The following MYO3B variants were observed in gnomAD, a reference collection of about 807,000 sequenced individuals.
The protein encoded by MYO3B is myosin-IIIb.
MYO3B carries 156 observed loss-of-function variants against 174.6 expected under a neutral mutation model. That is an observed-to-expected ratio of 0.89 (90% CI 0.78 to 1.02). MYO3B has a LOEUF of 1.02. Ranked by LOEUF, MYO3B falls within the 50% of genes least tolerant of loss-of-function variation. The pLI, the probability that MYO3B is intolerant of heterozygous loss-of-function variation, is 0.00. For synonymous variants in MYO3B, 563 were observed against 569.1 expected, an observed-to-expected ratio of 0.99 and a Z score of 0.15; for missense variants, 1,632 against 1,639.4, an observed-to-expected ratio of 1.00 and a Z score of 0.08.
intron 8 of MYO3B, among the ~76,000 whole-genome samples, chr2:170,368,491 G>T (rs1202934490): frequency 6.6e-6 from 1 of 152,214 alleles, no homozygotes; most frequent in East Asian, 1.9e-4. Context: ...CTGAATCATT[G>T]CTTTGAAAAG....
intron 6 of MYO3B, among the ~76,000 whole-genome samples, chr2:170,224,676 C>T (rs539388139): frequency 1.3e-5 from 2 of 152,140 alleles, no homozygotes; most frequent in South Asian, 4.1e-4. Flanking sequence ...TGTTTCTGTA[C>T]TGGAAAACAG....
intron 32 of MYO3B, among the ~76,000 whole-genome samples, chr2:170,563,824 A>C (rs1211068817): frequency 6.6e-6 from 1 of 152,180 alleles, no homozygotes; most frequent in Non-Finnish European, 1.5e-5. Flanking sequence ...TGGCTATAAA[A>C]AGGATTTTCC....
chr2:170,447,227 A>G (rs755665926), intron 23 of MYO3B, among the ~76,000 whole-genome samples: 1 of 152,176 alleles, frequency 6.6e-6, no homozygotes, highest in Non-Finnish European at 1.5e-5. Flanking sequence ...ATCAGCTCCA[A>G]CACATGGAGC....
At chr2:170,435,656 C>T (rs1031202202) in intron 22 of MYO3B, among the ~76,000 whole-genome samples, 1 of 152,144 alleles carries the variant, frequency 6.6e-6, no homozygotes, top group African/African-American at 2.4e-5. Context: ...ATTTACTGCT[C>T]CTTATCTTTG....
chr2:170,448,309 C>A (rs1683377222), intron 23 of MYO3B, among the ~76,000 whole-genome samples: 1 of 152,178 alleles, frequency 6.6e-6, no homozygotes, highest in Non-Finnish European at 1.5e-5. Flanking sequence ...TATGTTAGAT[C>A]TCTTTCACTG....
At position 170,519,337 on chromosome 2, in the gene MYO3B, G is replaced by A. The variant is rs1688516713; in HGVS notation, c.3473-101G>A. ...CCTATAGAAAGTCACGGAGTGGTAT[G>A]AGGGCAGGGAGAGAAGGGCTGCAGA... On this transcript the variant is annotated intron_variant, in intron 29 of 34. Transcript: ENST00000408978. 3.8e-6 allele frequency: 3 copies of A among 786,336 alleles called. No individual in the cohort carries two copies. The African/African-American group carries it at 5.2e-5, about 14-fold the overall frequency. 48.7% of individuals were successfully genotyped at this position (786,336 alleles called of 1,614,324 possible).
rs1688291193 is a variant in MYO3B at position 170,516,119 on chromosome 2, C to CA, written c.3472+1098dup. On this transcript the variant is annotated intron_variant, in intron 29 of 34. Transcript: ENST00000408978. ...CAAAGATGTGTTATGCTTGGCCACA[C>CA]ACAGTGCTTTTTAAAAAACTTTGAA... is the stretch of plus-strand genomic sequence containing the variant. Among the ~76,000 whole-genome samples, 4 of 152,278 alleles carry CA rather than the reference C, an allele frequency of 2.6e-5. No individual in the cohort carries two copies. In the South Asian group the frequency reaches 8.3e-4, roughly 32 times the overall value.
chr2:170,617,270 G>C (rs904747974), intron 32 of MYO3B, among the ~76,000 whole-genome samples: 13 of 152,096 alleles, frequency 8.5e-5, no homozygotes, highest in Non-Finnish European at 1.8e-4. Flanking sequence ...ATGGATAAAG[G>C]GGGAAGATTC....
At chr2:170,237,684 A>G (rs2093086972) in intron 7 of MYO3B, among the ~76,000 whole-genome samples, 1 of 152,222 alleles carries the variant, frequency 6.6e-6, no homozygotes, top group African/African-American at 2.4e-5. Context: ...CCAGATCTCC[A>G]GATGTGGAAT....
chr2:170,646,263 C>G (rs1049920788), intron 32 of MYO3B, among the ~76,000 whole-genome samples: 1 of 145,970 alleles, frequency 6.9e-6, no homozygotes, highest in Non-Finnish European at 1.5e-5. Context: ...AAGAGCGAAA[C>G]TCTGTCTCAA....
chr2:170,645,718 T>C (rs938484401), intron 32 of MYO3B, among the ~76,000 whole-genome samples: 1 of 152,210 alleles, frequency 6.6e-6, no homozygotes, highest in African/African-American at 2.4e-5. Flanking sequence ...ATGTGCCTTA[T>C]TGATTTTTTA....
chr2:170,450,869 G>T (rs1331884039), intron 23 of MYO3B, among the ~76,000 whole-genome samples: 1 of 152,114 alleles, frequency 6.6e-6, no homozygotes, highest in Non-Finnish European at 1.5e-5. Flanking sequence ...CTCCACATCA[G>T]TGTGCTTTTA....
intron 32 of MYO3B, among the ~76,000 whole-genome samples, chr2:170,559,971 T>C (rs1691598002): frequency 6.6e-6 from 1 of 152,174 alleles, no homozygotes; most frequent in East Asian, 1.9e-4. Flanking sequence ...GGATTCTGGG[T>C]CAGGACTTAT....
intron 33 of MYO3B, 79 bp downstream of exon 33, chr2:170,651,813 C>T (rs547959793): frequency 1.0e-5 from 12 of 1,180,102 alleles, no homozygotes; most frequent in South Asian, 9.9e-5. Context: ...CCTGTTCCAG[C>T]CCCTGCAGCC....
intron 6 of MYO3B, among the ~76,000 whole-genome samples, chr2:170,230,797 G>A (rs2093007364): frequency 6.6e-6 from 1 of 152,146 alleles, no homozygotes; most frequent in African/African-American, 2.4e-5. Context: ...CATAGTAAAA[G>A]CTGAATAACC....
intron 30 of MYO3B, among the ~76,000 whole-genome samples, chr2:170,532,814 C>G (rs1689443419): frequency 2.0e-5 from 2 of 99,098 alleles, no homozygotes. Context: ...GAAACTCTGT[C>G]TCAAAAAAAA....
At chr2:170,420,969 T>C (rs113232309) in intron 22 of MYO3B, among the ~76,000 whole-genome samples, 1,533 of 152,196 alleles carry the variant, frequency 0.01, 15 homozygotes, top group Non-Finnish European at 0.016. Context: ...CTAGTCTGGG[T>C]TGGGTAAAAT....
At chr2:170,460,731 A>C (rs1315221471) in intron 23 of MYO3B, among the ~76,000 whole-genome samples, 2 of 152,224 alleles carry the variant, frequency 1.3e-5, no homozygotes, top group Non-Finnish European at 2.9e-5. Context: ...CTACCTCCTG[A>C]CCACGTAGCC....
chr2:170,262,365 A>G (rs1327368811), intron 7 of MYO3B, among the ~76,000 whole-genome samples: 1 of 152,186 alleles, frequency 6.6e-6, no homozygotes, highest in African/African-American at 2.4e-5. Context: ...ATGCAGAGCC[A>G]TTGGGTGGGA....
Sources: gnomAD v4.1 joint callset for allele counts (sites outside exome capture counted in the v4.1 genomes callset) on GRCh38, gnomAD v4.1.1 for gene constraint, MANE v1.5 for transcripts, NCBI Gene and HGNC (gene_info 2026-07-23, HGNC 2026-07-21) for gene names.